Variants in ALG6 observed in about 807,000 individuals in gnomAD.
The protein encoded by ALG6 is ALG6 alpha-1,3-glucosyltransferase, also known as dolichyl pyrophosphate Man9GlcNAc2 alpha-1,3-glucosyltransferase.
A neutral mutation model predicts 66.6 loss-of-function variants in ALG6; 46 were observed. The ratio of observed to expected loss-of-function variants is 0.69; its 90% CI spans 0.55 to 0.88. The LOEUF (loss-of-function observed/expected upper bound fraction) is 0.88, where lower values mean the gene tolerates loss of function less well. Ranked by LOEUF, ALG6 falls within the 40% of genes least tolerant of loss-of-function variation. The pLI, the probability that ALG6 is intolerant of heterozygous loss-of-function variation, is 0.00. For missense variants in ALG6, 505 were observed against 586.8 expected (o/e 0.86, Z 1.44); for synonymous variants, 185 against 203.7 (o/e 0.91, Z 0.78).
rs753362025 is a variant in ALG6, at chr1:63,404,523, C to G, written c.328C>G (p.Leu110Val). The G allele has an allele frequency of 6.8e-6, 11 of 1,613,484 alleles. No individual in the cohort carries two copies. The highest frequency in any genetic ancestry group is 6.6e-5 in the South Asian group (6 of 91,080). The stretch of plus-strand genomic sequence containing the variant: ...TGGATATGAGAGTCAGGCACATAAG[C>G]TCTTCATGCGTACAACAGGTAAAAG... Reference protein sequence around the residue: ...SRGYESQAHKLFMRTTVLIAD... With the variant: ...SRGYESQAHKVFMRTTVLIAD... Residue 110 changes from leucine (L) to valine (V), a missense_variant, in exon 5 of 15, where the codon CTC becomes GTC. Leu to Val is a conservative substitution (Grantham distance 32). Coordinates refer to ENST00000263440, the MANE Select transcript of ALG6 (RefSeq NM_013339.4).
chr1:63,407,922 A>C (rs1644498040), intron 7 of ALG6, among the ~76,000 whole-genome samples: 1 of 152,254 alleles, frequency 6.6e-6, no homozygotes, highest in Middle Eastern at 3.4e-3. Context: ...GTTTTTTAAA[A>C]ATTTTGACAT....
intron 1 of ALG6, among the ~76,000 whole-genome samples, chr1:63,368,010 G>A (rs1647781829): frequency 6.6e-6 from 1 of 152,170 alleles, no homozygotes; most frequent in South Asian, 2.1e-4. Context: ...ACACGCCCGG[G>A]ATAGCTGCAC....
chr1:63,419,582 T>C (rs1168865874), intron 12 of ALG6, 142 bp downstream of exon 12: 1 of 693,602 alleles, frequency 1.4e-6, no homozygotes, highest in Non-Finnish European at 2.2e-6. Flanking sequence ...CAGGTTTTTT[T>C]CCAGAATTTT....
intron 2 of ALG6, among the ~76,000 whole-genome samples, chr1:63,383,470 C>G (rs550869001): frequency 6.6e-6 from 1 of 151,970 alleles, no homozygotes; most frequent in African/African-American, 2.4e-5. Flanking sequence ...GGCTGGAGTA[C>G]AGTGGTGCCA....
chr1:63,402,493 G>C, intron 4 of ALG6, 150 bp downstream of exon 4: 107 of 497,444 alleles, frequency 2.2e-4, no homozygotes, highest in East Asian at 2.8e-4. Context: ...TTGAGATGAA[G>C]TCTCACTCCA....
chr1:63,415,859 T>C lies in ALG6; in HGVS notation c.903-14T>C, dbSNP rs755536884. 1 of 1,543,278 alleles carries C rather than the reference T, an allele frequency of 6.5e-7. No individual in the cohort carries two copies. Among genetic ancestry groups the C allele is most frequent in the Non-Finnish European group, 8.9e-7 (1 of 1,117,594 alleles). ...ACAAAGAAGACAAATATTTGATTTG[T>C]ATTAATTTTTTAGCTTTTGTTCTAC... On this transcript the variant is annotated splice_polypyrimidine_tract_variant and intron_variant, in intron 10 of 14. Transcript: ENST00000263440.
intron 9 of ALG6, among the ~76,000 whole-genome samples, chr1:63,412,885 A>G (rs145735967): frequency 6.6e-6 from 1 of 152,266 alleles, no homozygotes; most frequent in African/African-American, 2.4e-5. Flanking sequence ...ATATTTTCCT[A>G]AGTTTTGAAT....
In ALG6 at chr1:63,370,752, T is replaced by C. The variant is rs555715368; in HGVS notation, c.-207-19T>C. ...TACTGTACTCAGCTGAATCTTGATA[T>C]CTTTTTTTTTCCCCTTAGGATACTT... On this transcript the variant is annotated intron_variant, in intron 1 of 14. Transcript: ENST00000263440. 1.1e-5 allele frequency: 6 copies of C among 556,838 alleles called. No individual in the cohort carries two copies. Among genetic ancestry groups the C allele is most frequent in the African/African-American group, 7.6e-5 (4 of 52,926 alleles). 34.5% of individuals were successfully genotyped at this position (556,838 alleles called of 1,614,324 possible).
chr1:63,377,306 G>T (rs1648166375), intron 2 of ALG6, among the ~76,000 whole-genome samples: 1 of 152,044 alleles, frequency 6.6e-6, no homozygotes, highest in African/African-American at 2.4e-5. Flanking sequence ...TTACAGTAAT[G>T]CTTTTTTGTT....
Position 63,438,258 on chromosome 1 carries a change from A to C in ALG6, c.*1238A>C, listed in dbSNP as rs1644697712. The C allele has an allele frequency of 6.6e-6, 1 of 152,232 alleles. No homozygotes were observed. Among genetic ancestry groups the C allele is most frequent in the South Asian group, 2.1e-4 (1 of 4,832 alleles). The allele number at this position is 152,232 out of a possible 1,614,324, so 9.4% of individuals were successfully genotyped here. A position where few individuals can be genotyped will look rare whatever the true frequency, so the allele number is the denominator to read the frequency against. On this transcript the variant is annotated 3_prime_UTR_variant, in exon 15 of 15. Coordinates refer to ENST00000263440, the MANE Select transcript of ALG6 (RefSeq NM_013339.4). ...TCTAGAAAGGTTTCTTTCTCAAAGC[A>C]AATGTGCATAAAGACTCAAAGGGCA...
At chr1:63,425,625 G>T (rs1644611116) in intron 12 of ALG6, among the ~76,000 whole-genome samples, 1 of 152,180 alleles carries the variant, frequency 6.6e-6, no homozygotes, top group South Asian at 2.1e-4. Context: ...TGAATATCAT[G>T]ATCATGTATT....
At chr1:63,379,072 A>C (rs928206857) in intron 2 of ALG6, among the ~76,000 whole-genome samples, 1 of 152,064 alleles carries the variant, frequency 6.6e-6, no homozygotes, top group Non-Finnish European at 1.5e-5. Context: ...TCGTATCTGC[A>C]TTCTGATTTC....
chr1:63,410,430 T>A (rs576382360), intron 7 of ALG6, among the ~76,000 whole-genome samples: 2 of 152,110 alleles, frequency 1.3e-5, no homozygotes, highest in African/African-American at 4.8e-5. Context: ...AATTTAAAAA[T>A]TTTTTTGTAG....
At chr1:63,434,032 G>A (rs1402450616) in intron 14 of ALG6, among the ~76,000 whole-genome samples, 2 of 152,202 alleles carry the variant, frequency 1.3e-5, no homozygotes, top group Non-Finnish European at 2.9e-5. Flanking sequence ...CATCATGGAG[G>A]TCATAGTGAT....
At chr1:63,381,386 G>A (rs1172869452) in intron 2 of ALG6, among the ~76,000 whole-genome samples, 5 of 152,160 alleles carry the variant, frequency 3.3e-5, no homozygotes, top group African/African-American at 9.7e-5. Flanking sequence ...CCCAGGAGGC[G>A]GAGCTTGCAG....
chr1:63,411,356 T>C (rs1027466247), intron 8 of ALG6, 25 bp downstream of exon 8: 2 of 1,603,908 alleles, frequency 1.2e-6, no homozygotes, highest in African/African-American at 2.7e-5. Context: ...AACACTAGAA[T>C]CCAAAAATTT....
chr1:63,385,074 A>G (rs1478565305), intron 2 of ALG6, among the ~76,000 whole-genome samples: 1 of 151,798 alleles, frequency 6.6e-6, no homozygotes, highest in Non-Finnish European at 1.5e-5. Flanking sequence ...GGTAGAATGG[A>G]CATTTAATGA....
intron 2 of ALG6, among the ~76,000 whole-genome samples, chr1:63,395,198 G>A (rs1157115866): frequency 6.6e-6 from 1 of 152,016 alleles, no homozygotes; most frequent in Non-Finnish European, 1.5e-5. Flanking sequence ...ATTGTATTTG[G>A]TATATAGTAA....
intron 12 of ALG6, among the ~76,000 whole-genome samples, chr1:63,426,756 C>T (rs78062489): frequency 6.6e-6 from 1 of 152,078 alleles, no homozygotes; most frequent in African/African-American, 2.4e-5. Flanking sequence ...ATTCTCTAGG[C>T]TGGTCTTGAA....
Sources: gnomAD v4.1 joint callset for allele counts (sites outside exome capture counted in the v4.1 genomes callset) on GRCh38, gnomAD v4.1.1 for gene constraint, MANE v1.5 for transcripts, NCBI Gene and HGNC (gene_info 2026-07-23, HGNC 2026-07-21) for gene names.